Variants in SCHIP1 observed in about 807,000 individuals in gnomAD.
SCHIP1 encodes schwannomin interacting protein 1.
SCHIP1 carries 8 observed loss-of-function variants against 29.7 expected under a neutral mutation model. The observed-to-expected ratio is 0.27, with a 90% CI of 0.16 to 0.49. The LOEUF (loss-of-function observed/expected upper bound fraction) is 0.49. Among genes scored for constraint, SCHIP1 ranks in the 20% least tolerant of loss-of-function variants. SCHIP1 has a pLI of 0.99. For synonymous variants in SCHIP1, 76 were observed against 94.9 expected (o/e 0.80, Z 1.16); for missense variants, 193 against 294.6 (o/e 0.66, Z 2.52).
chr3:159,410,944 TGAA>T, the SCHIP1 span, among the ~76,000 whole-genome samples: 1 of 152,094 alleles, frequency 6.6e-6, no homozygotes, highest in Non-Finnish European at 1.5e-5. Context: ...TATGCAGCCG[TGAA>T]GAAGAATGAG....
chr3:159,445,270 G>A, the SCHIP1 span, among the ~76,000 whole-genome samples: 7,405 of 152,066 alleles, frequency 0.049, 255 homozygotes, highest in Middle Eastern at 0.078. Context: ...AAAGACACAT[G>A]AAAAAATGCT....
chr3:159,714,491 G>A, the SCHIP1 span, among the ~76,000 whole-genome samples: 22 of 152,288 alleles, frequency 1.4e-4, no homozygotes, highest in Admixed American at 1.2e-3. Flanking sequence ...ATTCCCTTTC[G>A]TAGCTAAGGG....
chr3:159,402,215 T>C, the SCHIP1 span, among the ~76,000 whole-genome samples: 1 of 152,096 alleles, frequency 6.6e-6, no homozygotes, highest in Non-Finnish European at 1.5e-5. Flanking sequence ...GAAATGCAAA[T>C]CAAAACCACA....
At chr3:159,492,634 C>T in the SCHIP1 span, among the ~76,000 whole-genome samples, 4 of 152,128 alleles carry the variant, frequency 2.6e-5, no homozygotes, top group South Asian at 8.3e-4. Context: ...ATTGCTGTAC[C>T]TGAAAGTGAT....
chr3:159,296,192 C>T, the SCHIP1 span, among the ~76,000 whole-genome samples: 4 of 151,144 alleles, frequency 2.6e-5, no homozygotes, highest in South Asian at 2.1e-4. Context: ...ATATTTGAGC[C>T]GAAATTATTT....
chr3:159,589,133 T>C, the SCHIP1 span, among the ~76,000 whole-genome samples: 7 of 152,180 alleles, frequency 4.6e-5, no homozygotes, highest in Non-Finnish European at 1.0e-4. Flanking sequence ...TGTCCTGTTT[T>C]ATTTCGCTGA....
At chr3:159,507,032 C>T in the SCHIP1 span, among the ~76,000 whole-genome samples, 1 of 152,184 alleles carries the variant, frequency 6.6e-6, no homozygotes, top group African/African-American at 2.4e-5. Flanking sequence ...ATGAGGATGG[C>T]ATTGAATCTA....
the SCHIP1 span, among the ~76,000 whole-genome samples, chr3:159,672,997 T>A: frequency 6.6e-6 from 1 of 152,292 alleles, no homozygotes; most frequent in African/African-American, 2.4e-5. Flanking sequence ...CTGAACCATA[T>A]AAGCTCTTTT....
At chr3:159,813,466 G>A in the SCHIP1 span, among the ~76,000 whole-genome samples, 5 of 152,150 alleles carry the variant, frequency 3.3e-5, no homozygotes, top group Non-Finnish European at 7.4e-5. Flanking sequence ...GGAGGCAGGA[G>A]GATCTCCTAA....
chr3:159,383,886 C>T, the SCHIP1 span, among the ~76,000 whole-genome samples: 1 of 151,416 alleles, frequency 6.6e-6, no homozygotes, highest in Non-Finnish European at 1.5e-5. Flanking sequence ...AATGGGAGTT[C>T]ACTCATGATT....
chr3:159,783,688 G>C, the SCHIP1 span, among the ~76,000 whole-genome samples: 3 of 152,180 alleles, frequency 2.0e-5, no homozygotes, highest in Admixed American at 2.0e-4. Flanking sequence ...GGAAGAAGCT[G>C]TTTAAATCCA....
the SCHIP1 span, among the ~76,000 whole-genome samples, chr3:159,728,380 C>T: frequency 2.6e-5 from 4 of 152,162 alleles, no homozygotes; most frequent in East Asian, 7.7e-4. Context: ...GAGAATGAGG[C>T]AGGCAACCAG....
At chr3:159,352,702 CA>C in the SCHIP1 span, among the ~76,000 whole-genome samples, 2 of 151,914 alleles carry the variant, frequency 1.3e-5, no homozygotes, top group African/African-American at 4.8e-5. Context: ...TTCTCCCTCC[CA>C]AAAACCTGGA....
chr3:159,727,914 C>T, the SCHIP1 span, among the ~76,000 whole-genome samples: 61 of 149,458 alleles, frequency 4.1e-4, no homozygotes, highest in East Asian at 7.8e-3. Flanking sequence ...CTCCAAAAAA[C>T]TTTTTTGTTG....
chr3:159,368,534 T>A, the SCHIP1 span, among the ~76,000 whole-genome samples: 21 of 152,360 alleles, frequency 1.4e-4, no homozygotes, highest in African/African-American at 4.8e-4. Flanking sequence ...GAATCGGTTA[T>A]GACCACAGAA....
chr3:159,578,822 A>G, the SCHIP1 span, among the ~76,000 whole-genome samples: 4 of 152,030 alleles, frequency 2.6e-5, no homozygotes, highest in African/African-American at 9.7e-5. Flanking sequence ...TCCTCTTATA[A>G]GAACCCTAGT....
At chr3:159,644,262 C>T in the SCHIP1 span, among the ~76,000 whole-genome samples, 2 of 152,066 alleles carry the variant, frequency 1.3e-5, no homozygotes, top group African/African-American at 4.8e-5. Context: ...CTAAATATCT[C>T]TAGCTTTTGG....
the SCHIP1 span, among the ~76,000 whole-genome samples, chr3:159,813,096 C>T: frequency 1.3e-5 from 2 of 152,202 alleles, no homozygotes; most frequent in African/African-American, 4.8e-5. Flanking sequence ...AAAGGTTCCA[C>T]CACCTCTCAA....
chr3:159,835,165 C>T (rs1743548916), upstream of SCHIP1, among the ~76,000 whole-genome samples: 1 of 152,176 alleles, frequency 6.6e-6, no homozygotes, highest in South Asian at 2.1e-4. Context: ...ATCTTTCCCA[C>T]CCCCAATACT....
Sources: gnomAD v4.1 joint callset for allele counts (sites outside exome capture counted in the v4.1 genomes callset) on GRCh38, gnomAD v4.1.1 for gene constraint, MANE v1.5 for transcripts, NCBI Gene and HGNC (gene_info 2026-07-23, HGNC 2026-07-21) for gene names.